COL1A2: variants seen among roughly 807,000 people sequenced by gnomAD.
The protein encoded by COL1A2 is collagen alpha-2(I) chain.
Under a neutral mutation model 174.3 loss-of-function variants are expected in COL1A2, and 49 were observed. The observed-to-expected ratio is 0.28, with a 90% CI of 0.22 to 0.36. The LOEUF is 0.36. Among genes scored for constraint, COL1A2 ranks in the 10% least tolerant of loss-of-function variants. COL1A2 has a pLI of 1.00. For missense variants in COL1A2, 1,438 were observed against 1,822.7 expected (o/e 0.79, Z 3.84); for synonymous variants, 655 against 606.6 (o/e 1.08, Z -1.17).
rs193922164 is a variant in COL1A2, at chr7:94,425,591, T to G, written c.2782-19T>G. 1.7e-5 allele frequency: 27 copies of G among 1,613,608 alleles called. No individual in the cohort carries two copies. In the African/African-American group the frequency reaches 3.5e-4, roughly 21 times the overall value. On this transcript the variant is annotated intron_variant, in intron 42 of 51. Coordinates refer to ENST00000297268, the MANE Select transcript of COL1A2 (RefSeq NM_000089.4). The stretch of plus-strand genomic sequence containing the variant: ...GCAGAGCCTCACCAACAGCCTTAAT[T>G]TGTGTGGTGTCTTCACAGGGCAACC...
In COL1A2 at chr7:94,394,939, C is replaced by T. The variant is rs146779800; in HGVS notation, c.-93C>T. 12 of 1,015,676 alleles carry T rather than the reference C, an allele frequency of 1.2e-5. No homozygotes were observed. The Admixed American group carries it at 1.4e-4, about 11-fold the overall frequency. 62.9% of individuals were successfully genotyped at this position (1,015,676 alleles called of 1,614,324 possible). ...GTTTCGGCTAAGTTGGAGGTACTGG[C>T]CACGACTGCATGCCCGCGCCCGCCA... is the stretch of plus-strand genomic sequence containing the variant. On this transcript the variant is annotated 5_prime_UTR_variant, in exon 1 of 52. Coordinates refer to ENST00000297268, the MANE Select transcript of COL1A2 (RefSeq NM_000089.4).
intron 4 of COL1A2, 71 bp downstream of exon 4, chr7:94,399,155 C>A: frequency 7.2e-7 from 1 of 1,396,526 alleles, no homozygotes; most frequent in Non-Finnish European, 1.0e-6. Context: ...ACTACAGGAA[C>A]TGGCAATTTA....
At chr7:94,401,747 A>T in intron 6 of COL1A2, 127 bp downstream of exon 6, 2 of 523,498 alleles carry the variant, frequency 3.8e-6, no homozygotes, top group Non-Finnish European at 6.7e-6. Flanking sequence ...TATAAAAACA[A>T]CTCTTTTTGT....
At chr7:94,398,105 G>T (rs748543770) in intron 2 of COL1A2, among the ~76,000 whole-genome samples, 6 of 152,054 alleles carry the variant, frequency 3.9e-5, no homozygotes, top group Non-Finnish European at 8.8e-5. Context: ...ATTTGCAAAA[G>T]CACTTATTGT....
At chr7:94,400,401 A>G (rs1238275620) in intron 5 of COL1A2, 113 bp downstream of exon 5, 1 of 938,994 alleles carries the variant, frequency 1.1e-6, no homozygotes, top group Non-Finnish European at 1.7e-6. Flanking sequence ...AAATTAGTAT[A>G]TTTTATTTCA....
chr7:94,421,181 G>A, intron 38 of COL1A2, 119 bp downstream of exon 38: 1 of 984,988 alleles, frequency 1.0e-6, no homozygotes, highest in Admixed American at 1.9e-5. Context: ...TGAGATTCAA[G>A]TTCATTCTAT....
chr7:94,429,743 C>T (rs1441818230), intron 51 of COL1A2: 6 of 298,576 alleles, frequency 2.0e-5, no homozygotes, highest in Admixed American at 9.6e-5. Context: ...GTAATGTGTG[C>T]CCAGAACTTA....
chr7:94,405,631 A>T (rs1200728570), intron 10 of COL1A2, 42 bp from the exon 11 acceptor site: 9 of 1,537,048 alleles, frequency 5.9e-6, no homozygotes, highest in Non-Finnish European at 7.2e-6. Context: ...CTTTTTATTT[A>T]TGGTAAAACA....
intron 12 of COL1A2, among the ~76,000 whole-genome samples, chr7:94,406,808 C>A (rs1289434439): frequency 6.6e-6 from 1 of 152,184 alleles, no homozygotes; most frequent in East Asian, 1.9e-4. Flanking sequence ...CTTGGCTAGG[C>A]TCTTCTCTGA....
chr7:94,404,060 T>C (rs1211910739), intron 6 of COL1A2, among the ~76,000 whole-genome samples: 1 of 152,354 alleles, frequency 6.6e-6, no homozygotes, highest in Non-Finnish European at 1.5e-5. Flanking sequence ...AGAGGAGCGA[T>C]AAGGTTATAA....
chr7:94,416,562 C>A lies in COL1A2; in HGVS notation c.1863+59C>A. Reference sequence around the variant, plus strand: ...GCCCAGTCTGCCTGGAATAAGTAGACCCTTTACAATAGAAAGATAATTGTT... The same window carrying A: ...GCCCAGTCTGCCTGGAATAAGTAGAACCTTTACAATAGAAAGATAATTGTT... On this transcript the variant is annotated intron_variant, in intron 31 of 51. Transcript: ENST00000297268. 3.3e-6 allele frequency: 4 copies of A among 1,199,182 alleles called. No homozygotes were observed. In the South Asian group the frequency reaches 3.9e-5, roughly 12 times the overall value. The allele number at this position is 1,199,182 out of a possible 1,614,324, so 74.3% of individuals were successfully genotyped here. A position where few individuals can be genotyped will look rare whatever the true frequency, so the allele number is the denominator to read the frequency against.
Position 94,414,208 on chromosome 7 carries a change from C to T in COL1A2, c.1666-14C>T, listed in dbSNP as rs1791991279. 1 of 1,613,740 alleles carries T rather than the reference C, an allele frequency of 6.2e-7. No individual in the cohort carries two copies. Among genetic ancestry groups the T allele is most frequent in the Non-Finnish European group, 8.5e-7 (1 of 1,179,854 alleles). ...AGCCATGGGATTGAGATTTGTATTT[C>T]TTTTCATTTTTAGGGTCTGCCTGGC... On this transcript the variant is annotated splice_polypyrimidine_tract_variant and intron_variant, in intron 28 of 51. Coordinates refer to ENST00000297268, the MANE Select transcript of COL1A2 (RefSeq NM_000089.4).
At position 94,428,889 on chromosome 7, in the gene COL1A2, GA is replaced by G. The variant is rs140210036; in HGVS notation, c.3712-297del. On this transcript the variant is annotated intron_variant, in intron 50 of 51. Coordinates refer to ENST00000297268, the MANE Select transcript of COL1A2 (RefSeq NM_000089.4). ...AAATGACAGAAAAAGAAAAATGTCA[GA>G]ATTTCTACCTCCTCATTCTCTTATT... Among the ~76,000 whole-genome samples, 4,353 of 152,192 alleles carry G rather than the reference GA, an allele frequency of 0.029. 218 individuals are homozygous for G. The highest frequency in any genetic ancestry group is 0.099 in the African/African-American group (4,093 of 41,500).
intron 17 of COL1A2, 40 bp from the exon 18 acceptor site, chr7:94,409,524 C>T: frequency 6.2e-7 from 1 of 1,613,598 alleles, no homozygotes; most frequent in Non-Finnish European, 8.5e-7. Context: ...CCGAAATATT[C>T]CAATTAACTG....
intron 34 of COL1A2, 96 bp downstream of exon 34, chr7:94,419,647 T>C: frequency 7.6e-7 from 1 of 1,320,000 alleles, no homozygotes; most frequent in Non-Finnish European, 1.1e-6. Context: ...TATGGCTTGG[T>C]ATAAAGCCTA....
chr7:94,420,986 T>G (rs773076611), intron 37 of COL1A2, 23 bp from the exon 38 acceptor site: 1 of 1,613,264 alleles, frequency 6.2e-7, no homozygotes, highest in Non-Finnish European at 8.5e-7. Context: ...GTGATTTGAC[T>G]CCATCTTTTT....
chr7:94,417,482 A>G, intron 31 of COL1A2: 1 of 511,648 alleles, frequency 2.0e-6, no homozygotes, highest in Non-Finnish European at 3.6e-6. Flanking sequence ...AGAGGACTGA[A>G]GCAGGTTATA....
chr7:94,415,343 A>G, intron 30 of COL1A2, 73 bp downstream of exon 30: 1 of 1,290,846 alleles, frequency 7.7e-7, no homozygotes, highest in Non-Finnish European at 1.1e-6. Context: ...TTCTCCTTAA[A>G]GCCACTGATG....
intron 48 of COL1A2, 145 bp downstream of exon 48, chr7:94,427,440 C>A: frequency 1.9e-6 from 2 of 1,039,382 alleles, no homozygotes; most frequent in Non-Finnish European, 2.9e-6. Context: ...TGTCTATATG[C>A]AATGGGCTTG....
Sources: allele counts gnomAD v4.1 joint callset (sites outside exome capture counted in the v4.1 genomes callset), GRCh38; gene constraint gnomAD v4.1.1; transcripts MANE v1.5; gene names NCBI Gene and HGNC (gene_info 2026-07-23, HGNC 2026-07-21).